DPYD: variants seen among roughly 807,000 people sequenced by gnomAD.
The protein encoded by DPYD is dihydropyrimidine dehydrogenase [NADP(+)].
Under a neutral mutation model 116.2 loss-of-function variants are expected in DPYD, and 109 were observed. That is an observed-to-expected ratio of 0.94 (90% CI 0.80 to 1.10). The LOEUF is 1.10. Among genes scored for constraint, DPYD ranks in the 50% least tolerant of loss-of-function variants. The pLI is 0.00. For synonymous variants in DPYD, 440 were observed against 432.0 expected (o/e 1.02, Z -0.23); for missense variants, 1,302 against 1,254.5 (o/e 1.04, Z -0.57).
chr1:97,604,851 G>A (rs374285018), intron 8 of DPYD, among the ~76,000 whole-genome samples: 3 of 151,942 alleles, frequency 2.0e-5, no homozygotes, highest in African/African-American at 4.8e-5. Context: ...TCTAGAAATG[G>A]AGTTCTGGGC....
At chr1:97,720,521 T>C (rs1333718) in intron 5 of DPYD, 1,009,421 of 1,010,458 alleles carry the variant, frequency 1, 504,199 homozygotes, top group East Asian at 1. Context: ...CGAATTGTTT[T>C]TATTTTCTTA....
intron 20 of DPYD, among the ~76,000 whole-genome samples, chr1:97,134,014 AATATATATATATATATATAT>A (rs1165027630): frequency 3.2e-4 from 6 of 18,818 alleles, no homozygotes; most frequent in Non-Finnish European, 4.8e-4. Context: ...AAAAAAAAAA[AATATATATATATATATATAT>A]ATATATATAT....
intron 13 of DPYD, among the ~76,000 whole-genome samples, chr1:97,478,802 T>C (rs1678140508): frequency 6.6e-6 from 1 of 152,250 alleles, no homozygotes; most frequent in African/African-American, 2.4e-5. Context: ...TGTTATCTAA[T>C]GTAGTTACCT....
intron 3 of DPYD, among the ~76,000 whole-genome samples, chr1:97,751,458 GTGTA>G (rs1359025470): frequency 6.4e-4 from 14 of 22,046 alleles, no homozygotes; most frequent in Admixed American, 1.7e-3. Flanking sequence ...GTGTGTGTGT[GTGTA>G]TATATATATA....
Position 97,549,608 on chromosome 1 carries a change from C to T in DPYD, c.1476G>A (p.Ser492=), listed in dbSNP as rs753835178. ...VVGLANTTVE[S]VNDGKQASWY... is the part of the protein sequence containing the mutation. ...AAGAAGCTTGCTTTCCATCATTCAC[C>T]GATTCCACTGTAGTGTTAGCCAAAC... The change falls in exon 12 of 23, where the codon TCG becomes TCA. Residue 492 remains serine, a synonymous_variant. Coordinates refer to ENST00000370192, the MANE Select transcript of DPYD (RefSeq NM_000110.4). 55 of 1,613,708 alleles carry T rather than the reference C, an allele frequency of 3.4e-5. No homozygotes were observed. The highest frequency in any genetic ancestry group is 3.3e-4 in the Middle Eastern group (2 of 6,076).
At chr1:97,560,803 T>C (rs949097737) in intron 11 of DPYD, among the ~76,000 whole-genome samples, 1 of 152,142 alleles carries the variant, frequency 6.6e-6, no homozygotes, top group African/African-American at 2.4e-5. Flanking sequence ...CTTTAGATCA[T>C]AGCAATTATG....
chr1:97,683,867 G>T (rs79201965), intron 7 of DPYD, among the ~76,000 whole-genome samples: 12,294 of 151,814 alleles, frequency 0.081, 641 homozygotes, highest in Middle Eastern at 0.11. Flanking sequence ...CTACACGGGG[G>T]AAAAAAACCT....
intron 3 of DPYD, among the ~76,000 whole-genome samples, chr1:97,808,672 G>C (rs1214438999): frequency 2.0e-5 from 3 of 151,864 alleles, no homozygotes; most frequent in African/African-American, 7.2e-5. Flanking sequence ...AAAAGCACTG[G>C]TCAGAACGAA....
At chr1:97,859,907 G>A (rs1177515726) in intron 2 of DPYD, among the ~76,000 whole-genome samples, 2 of 152,054 alleles carry the variant, frequency 1.3e-5, no homozygotes, top group African/African-American at 4.8e-5. Context: ...ATAAATATGG[G>A]AGATAGAAAT....
intron 16 of DPYD, among the ~76,000 whole-genome samples, chr1:97,354,520 G>A (rs570124412): frequency 2.6e-5 from 4 of 152,158 alleles, no homozygotes; most frequent in Non-Finnish European, 4.4e-5. Flanking sequence ...TATATAAGTA[G>A]TATGTAATTC....
At chr1:97,173,502 AAT>A (rs1657022522) in intron 20 of DPYD, among the ~76,000 whole-genome samples, 2 of 151,236 alleles carry the variant, frequency 1.3e-5, no homozygotes, top group Non-Finnish European at 2.9e-5. Context: ...GCATATATAA[AAT>A]ACACACACAA....
intron 20 of DPYD, among the ~76,000 whole-genome samples, chr1:97,119,980 AAGACCCGCAGAT>A (rs1323774712): frequency 1.1e-4 from 16 of 152,260 alleles, no homozygotes; most frequent in Admixed American, 3.3e-4. Flanking sequence ...AAGCTAAACG[AAGACCCGCAGAT>A]GGTCAGTGCC....
chr1:97,870,414 T>C (rs1261019650), intron 2 of DPYD, among the ~76,000 whole-genome samples: 9 of 151,794 alleles, frequency 5.9e-5, no homozygotes, highest in African/African-American at 2.2e-4. Context: ...AAAATACAAA[T>C]ATTTCAAAAT....
At chr1:97,639,657 T>C (rs928431395) in intron 8 of DPYD, among the ~76,000 whole-genome samples, 2 of 151,888 alleles carry the variant, frequency 1.3e-5, no homozygotes, top group African/African-American at 4.8e-5. Flanking sequence ...ATCTTATAAA[T>C]AGTCTATGAA....
chr1:97,653,831 AAC>A (rs1044958965), intron 8 of DPYD, among the ~76,000 whole-genome samples: 1 of 152,034 alleles, frequency 6.6e-6, no homozygotes, highest in African/African-American at 2.4e-5. Context: ...CACATACATA[AAC>A]ACACACACAC....
In DPYD at chr1:97,261,749, A is replaced by G. The variant is rs531047475; in HGVS notation, c.2300-26755T>C. Among the ~76,000 whole-genome samples, 10 of 152,096 alleles carry G rather than the reference A, an allele frequency of 6.6e-5. No individual in the cohort carries two copies. The South Asian group carries it at 1.9e-3, about 28-fold the overall frequency. On this transcript the variant is annotated intron_variant, in intron 18 of 22. Coordinates refer to ENST00000370192, the MANE Select transcript of DPYD (RefSeq NM_000110.4). ...TACATTAGCTAATTTATTCCTCATA[A>G]TAGCTCTATGAAGTCTGATTTTTGG...
At chr1:97,333,890 T>C (rs954417071) in intron 16 of DPYD, among the ~76,000 whole-genome samples, 6 of 152,128 alleles carry the variant, frequency 3.9e-5, no homozygotes, top group African/African-American at 1.4e-4. Context: ...ATAAATTTGA[T>C]GGTGACTCAG....
At chr1:97,904,741 T>G (rs993052387) in intron 1 of DPYD, among the ~76,000 whole-genome samples, 3 of 152,074 alleles carry the variant, frequency 2.0e-5, no homozygotes, top group African/African-American at 7.2e-5. Context: ...TCTCTGGGTA[T>G]CTCCCATGTA....
At chr1:97,526,304 A>G (rs1344756998) in intron 12 of DPYD, among the ~76,000 whole-genome samples, 2 of 152,072 alleles carry the variant, frequency 1.3e-5, no homozygotes, top group African/African-American at 2.4e-5. Context: ...TTCTATGTAC[A>G]GCTACTTTAT....
Sources: allele counts gnomAD v4.1 joint callset (sites outside exome capture counted in the v4.1 genomes callset), GRCh38; gene constraint gnomAD v4.1.1; transcripts MANE v1.5; gene names NCBI Gene and HGNC (gene_info 2026-07-23, HGNC 2026-07-21).